The following GRAMD2A variants were observed in gnomAD, a reference collection of about 807,000 sequenced individuals.
GRAMD2A encodes the protein GRAM domain containing 2A, also known as GRAM domain-containing protein 2A.
GRAMD2A carries 37 observed loss-of-function variants against 51.1 expected under a neutral mutation model. The observed-to-expected ratio is 0.72, with a 90% CI of 0.56 to 0.95. The LOEUF is 0.95. GRAMD2A is among the 40% of genes least tolerant of loss of function. GRAMD2A has a pLI of 0.00. For synonymous variants in GRAMD2A, 136 were observed against 157.1 expected (o/e 0.87, Z 1.01); for missense variants, 414 against 426.9 (o/e 0.97, Z 0.27).
Position 72,166,246 on chromosome 15 carries a change from C to T in GRAMD2A, c.543+386G>A, listed in dbSNP as rs1218164929. ...CTTTGCCTGAGATGCTTTTGCCCAG[C>T]TCTAGGCTAATGAAAGCATTCTGAG... is the stretch of plus-strand genomic sequence containing the variant. On this transcript the variant is annotated intron_variant, in intron 7 of 11. Transcript: ENST00000309731. This position sits in a 1 kb window ranked among gnomAD's most constrained non-coding sequence, Gnocchi z 4.1. 6.6e-6 allele frequency among the ~76,000 whole-genome samples: 1 copy of T among 152,246 alleles called. No homozygotes were observed. The highest frequency in any genetic ancestry group is 1.5e-5 in the Non-Finnish European group (1 of 68,054).
intron 10 of GRAMD2A, chr15:72,162,824 G>A (rs1387048197): frequency 3.9e-5 from 8 of 207,096 alleles, no homozygotes; most frequent in Non-Finnish European, 7.9e-5. Context: ...GTGAGGGAAA[G>A]CAGGGGCTGG....
Position 72,170,461 on chromosome 15 carries a change from G to A in GRAMD2A, c.42-522C>T, listed in dbSNP as rs2081599388. 8.8e-6 allele frequency: 4 copies of A among 454,234 alleles called. No homozygotes were observed. The Admixed American group carries it at 9.4e-5, about 11-fold the overall frequency. 28.1% of individuals were successfully genotyped at this position (454,234 alleles called of 1,614,324 possible). On this transcript the variant is annotated intron_variant, in intron 1 of 11. Coordinates refer to ENST00000309731, the MANE Select transcript of GRAMD2A (RefSeq NM_001012642.3). The surrounding 1 kb of genome is among the most constrained non-coding windows in gnomAD (Gnocchi z 4.5). ...GGTGGACGCCCATCAGCCTACAGGT[G>A]AGTGTGGCCAGGAGGGGAGGAGCCG... is the stretch of plus-strand genomic sequence containing the variant.
intron 1 of GRAMD2A, among the ~76,000 whole-genome samples, chr15:72,184,110 G>A (rs1283966462): frequency 2.0e-5 from 3 of 152,254 alleles, no homozygotes; most frequent in Non-Finnish European, 4.4e-5. Flanking sequence ...CTGGTTCCCC[G>A]AGGGGGTTGT....
intron 7 of GRAMD2A, 60 bp from the exon 8 acceptor site, chr15:72,165,470 G>A (rs1596677770): frequency 1.3e-6 from 2 of 1,516,922 alleles, no homozygotes; most frequent in South Asian, 1.1e-5. Context: ...GTCAGGCAGG[G>A]GGAAGCATCA....
At chr15:72,164,294 T>G (rs2081515995) in intron 8 of GRAMD2A, among the ~76,000 whole-genome samples, 1 of 152,208 alleles carries the variant, frequency 6.6e-6, no homozygotes, top group Non-Finnish European at 1.5e-5. Flanking sequence ...AACTCAGTTC[T>G]GCCTACCCAG....
chr15:72,163,578 A>C, intron 9 of GRAMD2A, 35 bp downstream of exon 9: 1 of 1,589,030 alleles, frequency 6.3e-7, no homozygotes, highest in Non-Finnish European at 8.6e-7. Context: ...TGGCCTTTGC[A>C]AGTAGTTGCC....
chr15:72,194,494 G>A (rs1034755409), intron 1 of GRAMD2A, among the ~76,000 whole-genome samples: 1 of 152,138 alleles, frequency 6.6e-6, no homozygotes, highest in Non-Finnish European at 1.5e-5. Context: ...TTATGCAGAA[G>A]ACAGGGAAAT....
rs200601980 is a variant in GRAMD2A, at chr15:72,168,483, C to T, written c.268+8G>A. The T allele has an allele frequency of 1.1e-5, 18 of 1,609,694 alleles. No homozygotes were observed. In the African/African-American group the frequency reaches 1.5e-4, roughly 13 times the overall value. On this transcript the variant is annotated splice_region_variant and intron_variant, in intron 4 of 11. Coordinates refer to ENST00000309731, the MANE Select transcript of GRAMD2A (RefSeq NM_001012642.3). ...GTGCCTAACCAGCTATACCGGGAGA[C>T]AGCTCACCTTTGAGAACCACTTCCT...
At chr15:72,187,193 C>T (rs988966309) in intron 1 of GRAMD2A, among the ~76,000 whole-genome samples, 1 of 147,336 alleles carries the variant, frequency 6.8e-6, no homozygotes, top group Non-Finnish European at 1.5e-5. Context: ...AAAGTAGATA[C>T]AGATCAGTAT....
In GRAMD2A at chr15:72,197,785, C is replaced by T; in HGVS notation, c.-14G>A. 3 of 1,253,740 alleles carry T rather than the reference C, an allele frequency of 2.4e-6. No individual in the cohort carries two copies. Among genetic ancestry groups the T allele is most frequent in the Non-Finnish European group, 2.0e-6 (2 of 994,546 alleles). 77.7% of individuals were successfully genotyped at this position (1,253,740 alleles called of 1,614,324 possible). ...TAAAGCGGTCATCCCGGCGCCTGCA[C>T]CCAGCGCCCCGACCGCGCGCCGGGA... On this transcript the variant is annotated 5_prime_UTR_variant, in exon 1 of 12. In the 5' UTR this introduces an upstream ATG that the reference lacks. Transcript: ENST00000309731.
intron 1 of GRAMD2A, chr15:72,173,722 A>C (rs2081631047): frequency 6.6e-6 from 1 of 152,120 alleles, no homozygotes; most frequent in Admixed American, 6.6e-5. Context: ...TGAGGTCAGG[A>C]GTTCAAGACC....
In GRAMD2A at chr15:72,162,161, C is replaced by A. The variant is rs1036508791; in HGVS notation, c.1061+112G>T. 1.7e-4 allele frequency: 222 copies of A among 1,340,848 alleles called. 1 individual carries two copies. The highest frequency in any genetic ancestry group is 5.6e-4 in the Middle Eastern group (3 of 5,356). The allele number at this position is 1,340,848 out of a possible 1,614,324, so 83.1% of individuals were successfully genotyped here. On this transcript the variant is annotated intron_variant, in intron 11 of 11. Coordinates refer to ENST00000309731, the MANE Select transcript of GRAMD2A (RefSeq NM_001012642.3). ...CACGCTGCCCAACCTTGCTTAGGGTCAGAAGCCAGCTCAAAACAGGACCAA... is the reference window on the plus strand; with the variant it reads ...CACGCTGCCCAACCTTGCTTAGGGTAAGAAGCCAGCTCAAAACAGGACCAA...
At chr15:72,162,054 A>C (rs1378958508) in intron 11 of GRAMD2A, 42 bp from the exon 12 acceptor site, 31 of 1,613,634 alleles carry the variant, frequency 1.9e-5, no homozygotes, top group Non-Finnish European at 2.5e-5. Flanking sequence ...AAGGGCCCAG[A>C]ATGCAGACGG....
intron 1 of GRAMD2A, among the ~76,000 whole-genome samples, chr15:72,172,503 G>A (rs1280540051): frequency 2.7e-5 from 4 of 147,154 alleles, no homozygotes; most frequent in East Asian, 4.1e-4. Flanking sequence ...TGCAACCTCC[G>A]CCTCCCAGGT....
At chr15:72,178,577 T>C (rs902999187) in intron 1 of GRAMD2A, among the ~76,000 whole-genome samples, 12 of 139,608 alleles carry the variant, frequency 8.6e-5, no homozygotes, top group Non-Finnish European at 1.7e-4. Flanking sequence ...TCTTTTTTTT[T>C]TTTTTTTTTT....
chr15:72,163,709 T>C lies in GRAMD2A; in HGVS notation c.649A>G (p.Arg217Gly). The C allele has an allele frequency of 6.2e-7, 1 of 1,609,804 alleles. No homozygotes were observed. Among genetic ancestry groups the C allele is most frequent in the Non-Finnish European group, 8.5e-7 (1 of 1,178,902 alleles). Residue 217 changes from arginine (R) to glycine (G), a missense_variant, in exon 9 of 12, where the codon AGG (arginine) becomes GGG (glycine). Arg to Gly is a moderately radical substitution (Grantham distance 125). Transcript: ENST00000309731. The part of the protein sequence containing the change: ...MKWRKVCPSS[R>G]SLSLPDNIPC... ...ATGTTGTCTGGGAGAGACAGGGACC[T>C]GGAGGAAGGGCATACCTTTCTCCAC...
chr15:72,168,451 ACTCTGGGTGC>A, intron 4 of GRAMD2A, 30 bp downstream of exon 4: 1 of 1,507,284 alleles, frequency 6.6e-7, no homozygotes, highest in Non-Finnish European at 9.2e-7. Flanking sequence ...GGCCCCAGGC[ACTCTGGGTGC>A]CTAACCAGCT....
At chr15:72,187,787 G>A (rs1332461501) in intron 1 of GRAMD2A, among the ~76,000 whole-genome samples, 1 of 152,136 alleles carries the variant, frequency 6.6e-6, no homozygotes, top group Non-Finnish European at 1.5e-5. Flanking sequence ...GAAAGTGCTG[G>A]GATTACAGGT....
chr15:72,185,378 G>C (rs1453571542), intron 1 of GRAMD2A, among the ~76,000 whole-genome samples: 2 of 152,026 alleles, frequency 1.3e-5, no homozygotes, highest in Admixed American at 1.3e-4. Flanking sequence ...ATTTTTAATA[G>C]AGACAGGATT....
Sources: gnomAD v4.1 joint callset for allele counts (sites outside exome capture counted in the v4.1 genomes callset) on GRCh38, gnomAD v4.1.1 for gene constraint, Gnocchi (gnomAD v3.1) non-coding constraint, MANE v1.5 for transcripts, NCBI Gene and HGNC (gene_info 2026-07-23, HGNC 2026-07-21) for gene names.